KCNK10: variants seen among roughly 807,000 people sequenced by gnomAD.
The protein encoded by KCNK10 is potassium channel subfamily K member 10.
KCNK10 carries 25 observed loss-of-function variants against 47.7 expected under a neutral mutation model. The ratio of observed to expected loss-of-function variants is 0.52; its 90% CI spans 0.38 to 0.73. The LOEUF (loss-of-function observed/expected upper bound fraction) is 0.73, where lower values mean the gene tolerates loss of function less well. Ranked by LOEUF, KCNK10 falls within the 30% of genes least tolerant of loss-of-function variation. KCNK10 has a pLI of 0.00. For missense variants in KCNK10, 563 were observed against 714.5 expected, an observed-to-expected ratio of 0.79 and a Z score of 2.42; for synonymous variants, 303 against 285.6, an observed-to-expected ratio of 1.06 and a Z score of -0.61.
rs140004221 is a variant in KCNK10, at chr14:88,186,008, G to A, written c.1159C>T (p.Leu387=). 1.2e-4 allele frequency: 198 copies of A among 1,613,522 alleles called. No homozygotes were observed. The African/African-American group carries it at 2.4e-3, about 20-fold the overall frequency. Residue 387 remains leucine, a synonymous_variant, in exon 7 of 7, where the codon CTG becomes TTG. Transcript: ENST00000319231. The surrounding 1 kb of genome is among the most constrained non-coding windows in gnomAD (Gnocchi z 5.5). ...IRSMERRRLG[L]DQRAHSLDML... is the part of the protein sequence containing the mutation. Reference sequence around the variant, plus strand: ...TCCAGTGAGTGGGCCCGCTGGTCCAGGCCCAGCCGCCGGCGCTCCATGCTG... The same window carrying A: ...TCCAGTGAGTGGGCCCGCTGGTCCAAGCCCAGCCGCCGGCGCTCCATGCTG...
chr14:88,272,941 A>G (rs1268887193), intron 1 of KCNK10, among the ~76,000 whole-genome samples: 1 of 152,184 alleles, frequency 6.6e-6, no homozygotes, highest in Admixed American at 6.5e-5. Flanking sequence ...TTATAACAGT[A>G]TCATGCTCTG....
At chr14:88,247,850 G>T (rs534510369) in intron 2 of KCNK10, among the ~76,000 whole-genome samples, 1 of 152,286 alleles carries the variant, frequency 6.6e-6, no homozygotes, top group East Asian at 1.9e-4. Context: ...GGGCACTCTT[G>T]TAGCTTCCAA....
At chr14:88,261,123 C>T (rs549175876) in intron 2 of KCNK10, among the ~76,000 whole-genome samples, 2 of 152,100 alleles carry the variant, frequency 1.3e-5, no homozygotes, top group Non-Finnish European at 2.9e-5. Flanking sequence ...ATCTAATGGG[C>T]AATAATTAGA....
chr14:88,284,789 GAC>G (rs1354139743), intron 1 of KCNK10, among the ~76,000 whole-genome samples: 5 of 152,180 alleles, frequency 3.3e-5, no homozygotes, highest in African/African-American at 1.2e-4. Context: ...CACCCTCACA[GAC>G]ACACCCAGAA....
chr14:88,276,062 C>T (rs1887519722), intron 1 of KCNK10, among the ~76,000 whole-genome samples: 2 of 152,176 alleles, frequency 1.3e-5, no homozygotes, highest in Non-Finnish European at 2.9e-5. Flanking sequence ...ATGGCCACAC[C>T]CTAAACCTTG....
intron 2 of KCNK10, among the ~76,000 whole-genome samples, chr14:88,262,147 A>G (rs149368068): frequency 6.6e-6 from 1 of 152,324 alleles, no homozygotes; most frequent in Non-Finnish European, 1.5e-5. Flanking sequence ...GCCAGAAGGA[A>G]TTGTAAAAGC....
chr14:88,237,760 A>T (rs1886338157), intron 3 of KCNK10, among the ~76,000 whole-genome samples: 1 of 152,216 alleles, frequency 6.6e-6, no homozygotes, highest in Non-Finnish European at 1.5e-5. Context: ...ACCATGCTGT[A>T]AACAGATGTG....
upstream of KCNK10, among the ~76,000 whole-genome samples, chr14:88,324,080 A>G (rs1043346332): frequency 2.0e-5 from 3 of 152,202 alleles, no homozygotes; most frequent in African/African-American, 7.2e-5. Context: ...GAGGCTTGAG[A>G]GAGGCACGGG....
chr14:88,323,568 G>C (rs912838037), upstream of KCNK10: 1 of 151,098 alleles, frequency 6.6e-6, no homozygotes, highest in Non-Finnish European at 1.5e-5. Context: ...ACTTGCCCGC[G>C]GGGCGGCGGG....
At chr14:88,326,911 G>A (rs553826426), upstream of KCNK10, 89 of 180,288 alleles carry the variant, frequency 4.9e-4, no homozygotes, top group African/African-American at 2.0e-3. Flanking sequence ...TGCCTGCCGC[G>A]TGGGGAGTCT....
chr14:88,288,414 T>C (rs538777339), intron 1 of KCNK10, among the ~76,000 whole-genome samples: 45 of 152,304 alleles, frequency 3.0e-4, no homozygotes, highest in African/African-American at 1.0e-3. Context: ...CAGAGTAGTC[T>C]ATGGCTCCAC....
At chr14:88,187,652 G>A (rs1884613645) in intron 6 of KCNK10, among the ~76,000 whole-genome samples, 1 of 148,674 alleles carries the variant, frequency 6.7e-6, no homozygotes, top group Admixed American at 6.7e-5. Flanking sequence ...CTCAGCCATA[G>A]TCTACCTCTC....
intron 1 of KCNK10, among the ~76,000 whole-genome samples, chr14:88,314,459 T>C (rs917416144): frequency 2.0e-5 from 3 of 152,168 alleles, no homozygotes; most frequent in Non-Finnish European, 4.4e-5. Flanking sequence ...GGAATTTTAT[T>C]AAAGCAGCCG....
intron 4 of KCNK10, among the ~76,000 whole-genome samples, chr14:88,195,440 G>A (rs117032435): frequency 1.5e-3 from 223 of 152,268 alleles, no homozygotes; most frequent in African/African-American, 2.3e-3. Flanking sequence ...TTCCTTAGAC[G>A]TAGACAGTCC....
At chr14:88,321,279 G>C (rs1026806466) in intron 1 of KCNK10, among the ~76,000 whole-genome samples, 5 of 152,140 alleles carry the variant, frequency 3.3e-5, no homozygotes, top group Admixed American at 3.3e-4. Flanking sequence ...CTAAGTCCAA[G>C]TGTCATGTCC....
At chr14:88,226,282 T>C (rs1387889307) in intron 4 of KCNK10, among the ~76,000 whole-genome samples, 1 of 152,206 alleles carries the variant, frequency 6.6e-6, no homozygotes. Flanking sequence ...CATTCTACTC[T>C]TTTTAAAAAG....
intron 1 of KCNK10, among the ~76,000 whole-genome samples, chr14:88,321,113 T>C (rs934788481): frequency 3.3e-5 from 5 of 152,172 alleles, no homozygotes; most frequent in African/African-American, 1.2e-4. Context: ...AAAAAGGCAA[T>C]ACCTCTTCAC....
At chr14:88,309,926 C>T (rs1706471652) in intron 1 of KCNK10, among the ~76,000 whole-genome samples, 1 of 151,912 alleles carries the variant, frequency 6.6e-6, no homozygotes, top group South Asian at 2.1e-4. Context: ...CCCTCCAGAG[C>T]TCTCAGTCTG....
chr14:88,274,047 AC>A (rs1887471683), intron 1 of KCNK10, among the ~76,000 whole-genome samples: 1 of 71,882 alleles, frequency 1.4e-5, no homozygotes, highest in Non-Finnish European at 2.7e-5. Context: ...GTCTCCCCCC[AC>A]CCCCCACCCT....
Sources: allele counts gnomAD v4.1 joint callset (sites outside exome capture counted in the v4.1 genomes callset), GRCh38; gene constraint gnomAD v4.1.1; non-coding constraint Gnocchi (gnomAD v3.1); transcripts MANE v1.5; gene names NCBI Gene and HGNC (gene_info 2026-07-23, HGNC 2026-07-21).